The following SPATA17 variants were observed in gnomAD, a reference collection of about 807,000 sequenced individuals.
The protein encoded by SPATA17 is spermatogenesis associated 17.
SPATA17 carries 53 observed loss-of-function variants against 62.2 expected under a neutral mutation model. That is an observed-to-expected ratio of 0.85 (90% CI 0.68 to 1.07). The LOEUF (loss-of-function observed/expected upper bound fraction) is 1.07, where lower values mean the gene tolerates loss of function less well. Among genes scored for constraint, SPATA17 ranks in the 50% least tolerant of loss-of-function variants. The pLI is 0.00. For missense variants in SPATA17, 466 were observed against 425.5 expected, an observed-to-expected ratio of 1.10 and a Z score of -0.84; for synonymous variants, 146 against 146.8, an observed-to-expected ratio of 0.99 and a Z score of 0.04.
chr1:217,804,196 A>T (rs574281009), intron 9 of SPATA17, among the ~76,000 whole-genome samples: 67 of 152,306 alleles, frequency 4.4e-4, no homozygotes, highest in Non-Finnish European at 6.0e-4. Flanking sequence ...GTCCTAGCAT[A>T]AAAAATAGAC....
chr1:217,646,624 C>T (rs930315169), intron 1 of SPATA17, among the ~76,000 whole-genome samples: 12 of 151,926 alleles, frequency 7.9e-5, no homozygotes, highest in African/African-American at 2.9e-4. Flanking sequence ...GAGCTGAGCA[C>T]GGTGGCTCAC....
chr1:217,825,033 T>C (rs1303695339), intron 9 of SPATA17, among the ~76,000 whole-genome samples: 1 of 120,512 alleles, frequency 8.3e-6, no homozygotes, highest in East Asian at 2.1e-4. Context: ...TCATATAAAT[T>C]CAATACATAT....
chr1:217,747,722 ATTTAC>A (rs1672797897), intron 6 of SPATA17, among the ~76,000 whole-genome samples: 2 of 152,166 alleles, frequency 1.3e-5, no homozygotes, highest in Non-Finnish European at 2.9e-5. Context: ...GTAGAAACAA[ATTTAC>A]TTTAATTACA....
At chr1:217,711,035 T>G (rs755156876) in intron 5 of SPATA17, among the ~76,000 whole-genome samples, 3 of 152,246 alleles carry the variant, frequency 2.0e-5, no homozygotes, top group Non-Finnish European at 2.9e-5. Flanking sequence ...ATCGTATGAA[T>G]AAACCACATA....
At position 217,791,540 on chromosome 1, in the gene SPATA17, A is replaced by G. The variant is rs534690941; in HGVS notation, c.872+9218A>G. Among the ~76,000 whole-genome samples the G allele has an allele frequency of 2.0e-5, 3 of 152,346 alleles. No homozygotes were observed. In the South Asian group the frequency reaches 6.2e-4, roughly 32 times the overall value. ...AAAAAAAAAAGTTTATTTTAAGTAA[A>G]TGACCACAGAATACTAGAATTCTAT... On this transcript the variant is annotated intron_variant, in intron 8 of 10. Transcript: ENST00000366933.
At chr1:217,750,420 T>C (rs542148067) in intron 6 of SPATA17, among the ~76,000 whole-genome samples, 1 of 152,152 alleles carries the variant, frequency 6.6e-6, no homozygotes, top group Non-Finnish European at 1.5e-5. Context: ...GGGAGGAAAG[T>C]AGGTATTTAT....
intron 6 of SPATA17, among the ~76,000 whole-genome samples, chr1:217,755,050 G>A (rs1000861500): frequency 6.6e-6 from 1 of 151,882 alleles, no homozygotes; most frequent in African/African-American, 2.4e-5. Flanking sequence ...ATAAATTTTG[G>A]ATTTTATGCA....
intron 9 of SPATA17, among the ~76,000 whole-genome samples, chr1:217,857,643 A>G (rs1003205702): frequency 1.3e-5 from 2 of 152,152 alleles, no homozygotes; most frequent in Non-Finnish European, 2.9e-5. Flanking sequence ...ATGTTTTATC[A>G]TATCAGAGGC....
intron 3 of SPATA17, among the ~76,000 whole-genome samples, chr1:217,660,210 G>A (rs544970972): frequency 6.6e-5 from 10 of 152,196 alleles, no homozygotes; most frequent in African/African-American, 1.9e-4. Flanking sequence ...CCTAATCTTA[G>A]TAGAAAGTAA....
chr1:217,859,258 AAT>A (rs1036117769), intron 9 of SPATA17, among the ~76,000 whole-genome samples: 46 of 147,344 alleles, frequency 3.1e-4, no homozygotes, highest in Non-Finnish European at 3.0e-5. Context: ...GTATATAAAT[AAT>A]ATATGTAAAA....
chr1:217,779,337 C>T (rs1673676036), intron 7 of SPATA17, among the ~76,000 whole-genome samples: 1 of 151,350 alleles, frequency 6.6e-6, no homozygotes, highest in South Asian at 2.1e-4. Flanking sequence ...AAATAATGAT[C>T]CCTACTAATC....
At chr1:217,833,757 T>C (rs1675199251) in intron 9 of SPATA17, among the ~76,000 whole-genome samples, 1 of 152,168 alleles carries the variant, frequency 6.6e-6, no homozygotes, top group South Asian at 2.1e-4. Flanking sequence ...TTTAGAAAAT[T>C]CAAATTTTGC....
At chr1:217,750,237 T>C (rs953647885) in intron 6 of SPATA17, among the ~76,000 whole-genome samples, 4 of 151,896 alleles carry the variant, frequency 2.6e-5, no homozygotes, top group Non-Finnish European at 5.9e-5. Flanking sequence ...TCCTTAATGG[T>C]ATATCTTAGT....
chr1:217,729,167 C>G (rs979342309), intron 5 of SPATA17, among the ~76,000 whole-genome samples: 23 of 152,202 alleles, frequency 1.5e-4, no homozygotes, highest in African/African-American at 4.8e-4. Context: ...CTGCAGTAAA[C>G]AGCTGGGTAA....
intron 6 of SPATA17, among the ~76,000 whole-genome samples, chr1:217,766,720 C>CTT (rs71167423): frequency 7.6e-6 from 1 of 131,426 alleles, no homozygotes; most frequent in Admixed American, 7.6e-5. Flanking sequence ...ATATCGTTCT[C>CTT]TTTTTTTTTT....
chr1:217,848,581 G>C (rs1422468688), intron 9 of SPATA17, among the ~76,000 whole-genome samples: 1 of 152,010 alleles, frequency 6.6e-6, no homozygotes, highest in Non-Finnish European at 1.5e-5. Flanking sequence ...TCTTGTCGAA[G>C]TTTCTCCACA....
At chr1:217,759,920 T>A (rs1361739351) in intron 6 of SPATA17, among the ~76,000 whole-genome samples, 1 of 152,214 alleles carries the variant, frequency 6.6e-6, no homozygotes, top group Non-Finnish European at 1.5e-5. Context: ...GTTGCTATAC[T>A]GTCCTTATTT....
chr1:217,822,630 A>G (rs565517371), intron 9 of SPATA17, among the ~76,000 whole-genome samples: 7 of 146,518 alleles, frequency 4.8e-5, no homozygotes, highest in Non-Finnish European at 7.5e-5. Context: ...GATATGATGT[A>G]TATCTATATA....
At chr1:217,860,188 G>A (rs1026716409) in intron 9 of SPATA17, among the ~76,000 whole-genome samples, 2 of 151,944 alleles carry the variant, frequency 1.3e-5, no homozygotes, top group African/African-American at 4.8e-5. Context: ...TTGTTTAATC[G>A]CTAAACACTT....
Sources: gnomAD v4.1 joint callset for allele counts (sites outside exome capture counted in the v4.1 genomes callset) on GRCh38, gnomAD v4.1.1 for gene constraint, MANE v1.5 for transcripts, NCBI Gene and HGNC (gene_info 2026-07-23, HGNC 2026-07-21) for gene names.